The following CDKL5 variants were observed in gnomAD, a reference collection of about 807,000 sequenced individuals.
CDKL5 encodes the protein cyclin dependent kinase like 5.
Under a neutral mutation model 61.7 loss-of-function variants are expected in CDKL5, and 8 were observed. The ratio of observed to expected loss-of-function variants is 0.13; its 90% confidence interval spans 0.08 to 0.23. The LOEUF (loss-of-function observed/expected upper bound fraction) is 0.23. Among genes scored for constraint, CDKL5 ranks in the 10% least tolerant of loss-of-function variants. The probability of loss-of-function intolerance (pLI) is 1.00; values close to 1 mark genes in which losing one functional copy is unlikely to be tolerated. For missense variants in CDKL5, 440 were observed against 734.5 expected, an observed-to-expected ratio of 0.60 and a Z score of 4.63; for synonymous variants, 275 against 272.3, an observed-to-expected ratio of 1.01 and a Z score of -0.10.
chrX:18,642,276 G>A, downstream of CDKL5: 1 of 764,711 alleles, frequency 1.3e-6, no homozygotes, highest in Non-Finnish European at 2.0e-6. Flanking sequence ...AGTTAAAGCA[G>A]TTTGCGGGTG....
intron 2 of CDKL5, among the ~76,000 whole-genome samples, chrX:18,509,197 G>GCACGCGCGCACA (rs1204561636): frequency 1.6e-5 from 1 of 64,314 alleles, no homozygotes; most frequent in African/African-American, 5.9e-5. Context: ...CTCAAAACAC[G>GCACGCGCGCACA]CACACACACA....
chrX:18,531,633 C>T (rs2147109379), intron 3 of CDKL5, among the ~76,000 whole-genome samples: 1 of 111,890 alleles, frequency 8.9e-6, no homozygotes, highest in South Asian at 3.7e-4. Flanking sequence ...GGTTCACCCT[C>T]TGACCTCAAT....
intron 3 of CDKL5, among the ~76,000 whole-genome samples, chrX:18,555,578 C>T (rs1163578324): frequency 1.8e-5 from 2 of 111,599 alleles, no homozygotes; most frequent in East Asian, 5.6e-4. Context: ...AAAATATTAT[C>T]AACTGTTAAA....
At chrX:18,647,423 T>G in intron 20 of CDKL5, 1 of 1,014,763 alleles carries the variant, frequency 9.9e-7, no homozygotes. Flanking sequence ...CCATCTGCTT[T>G]GCGCTTCGGA....
intron 1 of CDKL5, among the ~76,000 whole-genome samples, chrX:18,469,243 G>A (rs781430096): frequency 4.8e-5 from 5 of 104,251 alleles, no homozygotes; most frequent in Non-Finnish European, 9.8e-5. Context: ...CCAGGCTGAG[G>A]TAGGAGAATT....
At chrX:18,644,297 G>C, downstream of CDKL5, 1 of 598,745 alleles carries the variant, frequency 1.7e-6, no homozygotes, top group South Asian at 2.3e-5. Flanking sequence ...AGCACATTGT[G>C]GGGGAAAGCG....
intron 1 of CDKL5, 110 bp downstream of exon 1, chrX:18,425,805 A>T (rs763277513): frequency 8.9e-6 from 1 of 112,093 alleles, no homozygotes; most frequent in East Asian, 2.9e-4. Flanking sequence ...CCCCGGGCGG[A>T]CAAGAGAAGG....
At chrX:18,511,279 G>A (rs1374121115) in intron 3 of CDKL5, among the ~76,000 whole-genome samples, 1 of 111,368 alleles carries the variant, frequency 9.0e-6, no homozygotes, top group Non-Finnish European at 1.9e-5. Flanking sequence ...TTATGAGGAT[G>A]TTGTTTAATG....
At chrX:18,613,541 A>G (rs989161267) in intron 15 of CDKL5, among the ~76,000 whole-genome samples, 1 of 112,306 alleles carries the variant, frequency 8.9e-6, no homozygotes, top group Non-Finnish European at 1.9e-5. Context: ...TCTGATATGA[A>G]TGATGACTTT....
chrX:18,645,901 C>T lies in CDKL5; in HGVS notation c.2714-106C>T, dbSNP rs936572080. 1.5e-5 allele frequency: 18 copies of T among 1,173,353 alleles called. 1 individual carries two copies. In the South Asian group the frequency reaches 3.3e-4, roughly 22 times the overall value. ...AACTAGATGGGGCCCCCTAACCAAA[C>T]TCTGGTCAATGGGATGTGGGCAGAA... On this transcript the variant is annotated intron_variant, in intron 19 of 21. Transcript: ENST00000379989.
At chrX:18,612,483 C>T (rs1163161366) in intron 14 of CDKL5, among the ~76,000 whole-genome samples, 3 of 109,543 alleles carry the variant, frequency 2.7e-5, no homozygotes, top group Non-Finnish European at 5.7e-5. Flanking sequence ...GCCTGGGCAA[C>T]GTGGTGAAAC....
intron 1 of CDKL5, among the ~76,000 whole-genome samples, chrX:18,456,596 A>T (rs892209205): frequency 7.2e-5 from 8 of 111,831 alleles, no homozygotes; most frequent in African/African-American, 2.6e-4. Flanking sequence ...AGGAGGAGAG[A>T]TTAATTCAAG....
chrX:18,556,882 CAAAAAAAAAAAAA>C (rs67362338), intron 3 of CDKL5, among the ~76,000 whole-genome samples: 71 of 44,961 alleles, frequency 1.6e-3, no homozygotes, highest in African/African-American at 7.3e-3. Flanking sequence ...GACTCCGTCT[CAAAAAAAAAAAAA>C]AAAAAAAAAA....
chrX:18,651,041 T>C (rs1928005887), intron 21 of CDKL5, among the ~76,000 whole-genome samples: 1 of 110,726 alleles, frequency 9.0e-6, no homozygotes, highest in Non-Finnish European at 1.9e-5. Context: ...ATTTTGCATG[T>C]TTTTCTGGCA....
Position 18,604,500 on chromosome X carries a change from T to G in CDKL5, c.1576T>G (p.Ser526Ala). 8.3e-7 allele frequency: 1 copy of G among 1,211,353 alleles called. No individual in the cohort carries two copies. Among genetic ancestry groups the G allele is most frequent in the Non-Finnish European group, 1.1e-6 (1 of 895,434 alleles). The part of the protein sequence containing the change: ...YFPSSCLDLN[S>A]PTSPTPTRHS... ...CCCATCTAGCTGCTTAGACTTGAAT[T>G]CTCCCACCAGCCCAACCCCCACCAG... is the stretch of plus-strand genomic sequence containing the variant. Residue 526 changes from serine (S) to alanine (A), a missense_variant, in exon 12 of 18, where the codon TCT becomes GCT. Physicochemically the swap from Ser to Ala is moderately conservative, Grantham distance 99. This residue lies in a region of CDKL5 where 363 missense variants were observed against 516.3 expected (regional missense o/e 0.70). Transcript: ENST00000623535.
chrX:18,570,533 A>G (rs1925103486), intron 4 of CDKL5, among the ~76,000 whole-genome samples: 1 of 110,380 alleles, frequency 9.1e-6, no homozygotes, highest in Non-Finnish European at 1.9e-5. Context: ...CAAATATGGT[A>G]CCCCCGTGGT....
chrX:18,557,816 C>T (rs1004151204), intron 3 of CDKL5, among the ~76,000 whole-genome samples: 9 of 111,800 alleles, frequency 8.1e-5, no homozygotes, highest in Non-Finnish European at 1.3e-4. Context: ...CAGTCAGCAA[C>T]GCAAGTGAGT....
chrX:18,538,676 T>C (rs1463221073), intron 3 of CDKL5, among the ~76,000 whole-genome samples: 1 of 112,226 alleles, frequency 8.9e-6, no homozygotes, highest in African/African-American at 3.2e-5. Flanking sequence ...GCACCATTCA[T>C]TGAAAAGTCT....
At chrX:18,489,317 C>T (rs1206077567) in intron 1 of CDKL5, among the ~76,000 whole-genome samples, 2 of 110,626 alleles carry the variant, frequency 1.8e-5, no homozygotes, top group South Asian at 3.9e-4. Context: ...TGCGCCACCA[C>T]GCCCGGCAAG....
Sources: gnomAD v4.1 joint callset for allele counts (sites outside exome capture counted in the v4.1 genomes callset) on GRCh38, gnomAD v4.1.1 for gene constraint, gnomAD v4.1.1 regional missense constraint, MANE v1.5 for transcripts, NCBI Gene and HGNC (gene_info 2026-07-23, HGNC 2026-07-21) for gene names.